The following IL23R variants were observed in gnomAD, a reference collection of about 807,000 sequenced individuals.
The protein encoded by IL23R is interleukin 23 receptor, also known as interleukin-23 receptor.
In IL23R, 34 loss-of-function variants were observed where a neutral mutation model predicts 56.9. The ratio of observed to expected loss-of-function variants is 0.60; its 90% CI spans 0.45 to 0.80. IL23R has a LOEUF of 0.80. Among genes scored for constraint, IL23R ranks in the 30% least tolerant of loss-of-function variants. The pLI, the probability that IL23R is intolerant of heterozygous loss-of-function variation, is 0.00. For synonymous variants in IL23R, 230 were observed against 249.2 expected, an observed-to-expected ratio of 0.92 and a Z score of 0.73; for missense variants, 635 against 730.0, an observed-to-expected ratio of 0.87 and a Z score of 1.50.
chr1:67,164,651 TAAA>T (rs753347151), upstream of IL23R, among the ~76,000 whole-genome samples: 57,583 of 150,786 alleles, frequency 0.38, 11,411 homozygotes, highest in Admixed American at 0.48. Flanking sequence ...TAAAATAAAA[TAAA>T]ATAAAATAAA....
At chr1:67,207,423 G>A (rs1015866766) in intron 6 of IL23R, among the ~76,000 whole-genome samples, 2 of 152,070 alleles carry the variant, frequency 1.3e-5, no homozygotes, top group African/African-American at 4.8e-5. Context: ...ATGAGTACCT[G>A]ATATGATTTG....
chr1:67,225,305 A>G (rs1570884711), intron 7 of IL23R, among the ~76,000 whole-genome samples: 1 of 152,338 alleles, frequency 6.6e-6, no homozygotes, highest in South Asian at 2.1e-4. Flanking sequence ...ATGAGAATGA[A>G]ACCATAGTAC....
upstream of IL23R, among the ~76,000 whole-genome samples, chr1:67,164,507 G>A (rs753055450): frequency 7.9e-5 from 12 of 151,976 alleles, no homozygotes; most frequent in Non-Finnish European, 1.8e-4. Flanking sequence ...GGTGGCACAT[G>A]TGTAATCCCA....
intron 4 of IL23R, among the ~76,000 whole-genome samples, chr1:67,187,927 A>G (rs996054247): frequency 3.3e-5 from 5 of 151,904 alleles, no homozygotes; most frequent in African/African-American, 1.2e-4. Context: ...TTAGCAGGGC[A>G]TGTAATCCCA....
At chr1:67,155,298 G>A (rs1240662715) in intron 1 of IL23R, among the ~76,000 whole-genome samples, 1 of 152,142 alleles carries the variant, frequency 6.6e-6, no homozygotes, top group African/African-American at 2.4e-5. Context: ...GAGTATCTTA[G>A]TGGTGCTCTC....
chr1:67,183,309 T>TTTGA (rs1647184720), intron 4 of IL23R, among the ~76,000 whole-genome samples: 1 of 152,054 alleles, frequency 6.6e-6, no homozygotes, highest in African/African-American at 2.4e-5. Flanking sequence ...CCAAGGTGGG[T>TTTGA]GAATAACCTG....
chr1:67,151,892 G>A (rs1359504427), intron 1 of IL23R, among the ~76,000 whole-genome samples: 1 of 152,160 alleles, frequency 6.6e-6, no homozygotes, highest in African/African-American at 2.4e-5. Flanking sequence ...AAGTCAGGTA[G>A]TGTGATGCCT....
intron 1 of IL23R, among the ~76,000 whole-genome samples, chr1:67,141,693 GGCTGCAGTGA>G (rs149987776): frequency 0.01 from 1,557 of 152,294 alleles, 30 homozygotes; most frequent in African/African-American, 0.036. Context: ...TGGAGGTTGA[GGCTGCAGTGA>G]GCTGAGATCA....
intron 6 of IL23R, among the ~76,000 whole-genome samples, chr1:67,208,920 G>A (rs1257688327): frequency 3.9e-5 from 6 of 152,166 alleles, no homozygotes; most frequent in Non-Finnish European, 7.3e-5. Flanking sequence ...AGCTGGGAGG[G>A]AGACTGTACC....
chr1:67,176,671 C>T (rs1347022495), intron 3 of IL23R, among the ~76,000 whole-genome samples: 3 of 152,066 alleles, frequency 2.0e-5, no homozygotes, highest in African/African-American at 4.8e-5. Context: ...TTTTAGGGTA[C>T]ATGTGCACAA....
chr1:67,263,117 T>TTA (rs1322438820), downstream of IL23R, among the ~76,000 whole-genome samples: 33 of 114,274 alleles, frequency 2.9e-4, no homozygotes, highest in African/African-American at 1.2e-3. Context: ...CTTTCCTTTT[T>TTA]TTTTTTTTTT....
intron 4 of IL23R, among the ~76,000 whole-genome samples, chr1:67,183,972 G>A (rs563060125): frequency 6.6e-6 from 1 of 152,212 alleles, no homozygotes; most frequent in Admixed American, 6.5e-5. Flanking sequence ...AGTGGCTCAT[G>A]CCTGTAATCC....
At chr1:67,203,950 C>T (rs1009343356) in intron 5 of IL23R, among the ~76,000 whole-genome samples, 6 of 152,046 alleles carry the variant, frequency 3.9e-5, no homozygotes, top group African/African-American at 1.4e-4. Flanking sequence ...TTACTTCTCC[C>T]CATTATATAA....
At chr1:67,210,943 C>A (rs989332294) in intron 6 of IL23R, among the ~76,000 whole-genome samples, 1 of 152,128 alleles carries the variant, frequency 6.6e-6, no homozygotes, top group Non-Finnish European at 1.5e-5. Context: ...TTCTGAGTAT[C>A]GGTTTTGCTA....
At chr1:67,181,425 T>A (rs1243973112) in intron 3 of IL23R, among the ~76,000 whole-genome samples, 1 of 152,196 alleles carries the variant, frequency 6.6e-6, no homozygotes, top group Non-Finnish European at 1.5e-5. Context: ...TTGATCGAAT[T>A]GGCTGCTGAG....
At chr1:67,181,026 G>A (rs560708050) in intron 3 of IL23R, among the ~76,000 whole-genome samples, 32 of 152,272 alleles carry the variant, frequency 2.1e-4, no homozygotes, top group South Asian at 6.2e-4. Context: ...TGGGTAACCC[G>A]ACCTTTCTCT....
chr1:67,161,999 G>A (rs955627478), upstream of IL23R, among the ~76,000 whole-genome samples: 7 of 152,028 alleles, frequency 4.6e-5, no homozygotes, highest in African/African-American at 1.4e-4. Flanking sequence ...TTTCAAAGAC[G>A]AAAAAACTAA....
At chr1:67,241,286 A>G (rs182915648) in intron 9 of IL23R, among the ~76,000 whole-genome samples, 129 of 152,346 alleles carry the variant, frequency 8.5e-4, no homozygotes, top group African/African-American at 2.9e-3. Flanking sequence ...AGGACTGAGT[A>G]GAAGGTACCT....
rs571349732 is a variant in IL23R, at chr1:67,192,224, T to C, written c.492-8513T>C. Among the ~76,000 whole-genome samples, 10 of 152,304 alleles carry C rather than the reference T, an allele frequency of 6.6e-5. No homozygotes were observed. In the East Asian group the frequency reaches 1.9e-3, roughly 29 times the overall value. ...AGATGTATTACTGGGTAAGCGGTCT[T>C]CCAAAAACATCTTATCTGGATTACT... is the stretch of plus-strand genomic sequence containing the variant. On this transcript the variant is annotated intron_variant, in intron 4 of 10. Transcript: ENST00000347310.
Sources: gnomAD v4.1 joint callset for allele counts (sites outside exome capture counted in the v4.1 genomes callset) on GRCh38, gnomAD v4.1.1 for gene constraint, MANE v1.5 for transcripts, NCBI Gene and HGNC (gene_info 2026-07-23, HGNC 2026-07-21) for gene names.